FOCAD: variants seen among roughly 807,000 people sequenced by gnomAD.
The protein encoded by FOCAD is focadhesin.
In FOCAD, 198 loss-of-function variants were observed where a neutral mutation model predicts 225.6. The ratio of observed to expected loss-of-function variants is 0.88; its 90% confidence interval spans 0.78 to 0.99. FOCAD has a LOEUF of 0.99. FOCAD is among the 50% of genes least tolerant of loss of function. The pLI, the probability that FOCAD is intolerant of heterozygous loss-of-function variation, is 0.00. For missense variants in FOCAD, 2,713 were observed against 2,123.6 expected (o/e 1.28, Z -5.46); for synonymous variants, 897 against 755.0 (o/e 1.19, Z -3.08).
intron 21 of FOCAD, among the ~76,000 whole-genome samples, chr9:20,903,116 T>C (rs1832686700): frequency 6.6e-6 from 1 of 151,846 alleles, no homozygotes; most frequent in Admixed American, 6.6e-5. Flanking sequence ...CTCAAACATT[T>C]CCCCATGCTC....
intron 4 of FOCAD, among the ~76,000 whole-genome samples, chr9:20,723,466 C>T (rs759153069): frequency 1.2e-4 from 19 of 152,180 alleles, no homozygotes; most frequent in Non-Finnish European, 2.1e-4. Flanking sequence ...TGCACTCCAG[C>T]CTGGGTGACA....
chr9:20,781,742 C>T lies in FOCAD; in HGVS notation c.1010C>T (p.Ser337Phe). Reference sequence around the variant, plus strand: ...TGATGAATAGCTTTGAAGCTCCTCTCTGTTACTGAGGATCAGAAAATCCCA... The same window carrying T: ...TGATGAATAGCTTTGAAGCTCCTCTTTGTTACTGAGGATCAGAAAATCCCA... ...PILNLALKLL[S>F]VTEDQKIPKS... The change falls in exon 10 of 44, where the codon TCT becomes TTT. Residue 337 changes from serine (S) to phenylalanine (F), a missense_variant. Coordinates refer to ENST00000338382, the MANE Select transcript of FOCAD (RefSeq NM_001375567.1). 6.2e-7 allele frequency: 1 copy of T among 1,613,628 alleles called. No homozygotes were observed. Among genetic ancestry groups the T allele is most frequent in the Non-Finnish European group, 8.5e-7 (1 of 1,179,866 alleles).
At chr9:20,918,323 T>C (rs1187145864) in intron 24 of FOCAD, among the ~76,000 whole-genome samples, 1 of 152,250 alleles carries the variant, frequency 6.6e-6, no homozygotes, top group African/African-American at 2.4e-5. Context: ...CCAGTGTGAC[T>C]GTAATTTTCA....
At chr9:20,887,155 T>G (rs1300942545) in intron 21 of FOCAD, among the ~76,000 whole-genome samples, 1 of 152,224 alleles carries the variant, frequency 6.6e-6, no homozygotes, top group African/African-American at 2.4e-5. Flanking sequence ...TGAAATTTCT[T>G]CAAACCCTGC....
intron 37 of FOCAD, 86 bp downstream of exon 37, chr9:20,978,540 A>G: frequency 1.1e-6 from 1 of 871,432 alleles, no homozygotes; most frequent in Non-Finnish European, 1.7e-6. Context: ...GTGTTCTCAA[A>G]GTCAAGAGGA....
In FOCAD at chr9:20,858,402, G is replaced by C. The variant is rs528359264; in HGVS notation, c.1921-4176G>C. Among the ~76,000 whole-genome samples the C allele has an allele frequency of 2.6e-5, 4 of 152,058 alleles. No homozygotes were observed. In the South Asian group the frequency reaches 8.3e-4, roughly 32 times the overall value. On this transcript the variant is annotated intron_variant, in intron 15 of 43. Transcript: ENST00000338382. ...ATAGTTGCTCATAATCTTCTCTAAT[G>C]ATCCTTTGAATTTTTGTGGTATTGT...
At chr9:20,740,185 A>C in intron 4 of FOCAD, 51 bp from the exon 5 acceptor site, 1 of 1,166,032 alleles carries the variant, frequency 8.6e-7, no homozygotes, top group Non-Finnish European at 1.3e-6. Flanking sequence ...GCACCTGATT[A>C]GAATATTCAC....
chr9:20,917,083 C>G, intron 24 of FOCAD, 146 bp downstream of exon 24: 1 of 620,266 alleles, frequency 1.6e-6, no homozygotes, highest in South Asian at 2.4e-5. Flanking sequence ...TAATCGTTAC[C>G]CTTCTTATAG....
chr9:20,756,543 T>A (rs1052526753), intron 5 of FOCAD, among the ~76,000 whole-genome samples: 1 of 152,204 alleles, frequency 6.6e-6, no homozygotes, highest in African/African-American at 2.4e-5. Flanking sequence ...ACTTCATTCC[T>A]AGCAGTCTAA....
At chr9:20,913,321 G>A (rs1451013756) in intron 23 of FOCAD, among the ~76,000 whole-genome samples, 2 of 151,846 alleles carry the variant, frequency 1.3e-5, no homozygotes, top group Non-Finnish European at 1.5e-5. Flanking sequence ...ATGTAGTCAA[G>A]GATTACTTCT....
At chr9:20,800,606 C>T (rs970523505) in intron 11 of FOCAD, among the ~76,000 whole-genome samples, 3 of 152,068 alleles carry the variant, frequency 2.0e-5, no homozygotes, top group African/African-American at 7.2e-5. Flanking sequence ...TTTGATCTTC[C>T]ATCACTGATA....
At chr9:20,851,829 C>T (rs563224686) in intron 15 of FOCAD, among the ~76,000 whole-genome samples, 47 of 151,888 alleles carry the variant, frequency 3.1e-4, no homozygotes, top group Non-Finnish European at 4.6e-4. Context: ...TCTTCCAATC[C>T]AGCCCACTAC....
At chr9:20,826,673 A>G (rs1385000844) in intron 15 of FOCAD, among the ~76,000 whole-genome samples, 1 of 152,076 alleles carries the variant, frequency 6.6e-6, no homozygotes, top group East Asian at 1.9e-4. Flanking sequence ...TTTATGATAT[A>G]GGGGTTGTAG....
At chr9:20,825,069 T>G (rs1388713543) in intron 15 of FOCAD, among the ~76,000 whole-genome samples, 1 of 151,994 alleles carries the variant, frequency 6.6e-6, no homozygotes, top group East Asian at 1.9e-4. Context: ...AATAAGTAGA[T>G]GTAATCTATT....
chr9:20,981,373 T>G, intron 37 of FOCAD, 53 bp from the exon 38 acceptor site: 1 of 1,587,966 alleles, frequency 6.3e-7, no homozygotes, highest in Non-Finnish European at 8.6e-7. Context: ...GTTTTGAACA[T>G]TGCAAACCCA....
intron 21 of FOCAD, among the ~76,000 whole-genome samples, chr9:20,891,579 C>T (rs1831618134): frequency 6.6e-6 from 1 of 152,272 alleles, no homozygotes; most frequent in Non-Finnish European, 1.5e-5. Context: ...TTCCCTTAAG[C>T]CAAAGTCTAA....
rs60723308 is a variant in FOCAD, at chr9:20,962,417, CACAT to C, written c.4132+9388_4132+9391del. Among the ~76,000 whole-genome samples the C allele has an allele frequency of 8.2e-3, 1,230 of 149,192 alleles. 9 individuals are homozygous for C. Among genetic ancestry groups the C allele is most frequent in the Middle Eastern group, 0.021 (6 of 286 alleles). On this transcript the variant is annotated intron_variant, in intron 35 of 43. Transcript: ENST00000338382. ...CATATATAATATATATATACACACA[CACAT>C]ACATACATACATACATACATACATA...
At chr9:20,899,164 C>T (rs1832355226) in intron 21 of FOCAD, among the ~76,000 whole-genome samples, 1 of 151,810 alleles carries the variant, frequency 6.6e-6, no homozygotes, top group South Asian at 2.1e-4. Context: ...GAATAGAATG[C>T]TGTTATATTT....
At chr9:20,792,987 AT>A (rs1049937678) in intron 11 of FOCAD, among the ~76,000 whole-genome samples, 10 of 152,212 alleles carry the variant, frequency 6.6e-5, no homozygotes, top group African/African-American at 2.4e-4. Context: ...AATATATTCT[AT>A]AAAAGAACTT....
Sources: gnomAD v4.1 joint callset for allele counts (sites outside exome capture counted in the v4.1 genomes callset) on GRCh38, gnomAD v4.1.1 for gene constraint, MANE v1.5 for transcripts, NCBI Gene and HGNC (gene_info 2026-07-23, HGNC 2026-07-21) for gene names.